The following NEGR1 variants were observed in gnomAD, a reference collection of about 807,000 sequenced individuals.
NEGR1 encodes neuronal growth regulator 1, also known as IgLON family member 4.
In NEGR1, 10 loss-of-function variants were observed where a neutral mutation model predicts 40.9. That is an observed-to-expected ratio of 0.24 (90% CI 0.15 to 0.42). The LOEUF is 0.42. Ranked by LOEUF, NEGR1 falls within the 10% of genes least tolerant of loss-of-function variation. The pLI, the probability that NEGR1 is intolerant of heterozygous loss-of-function variation, is 1.00. For missense variants in NEGR1, 352 were observed against 438.9 expected, an observed-to-expected ratio of 0.80 and a Z score of 1.77; for synonymous variants, 185 against 166.8, an observed-to-expected ratio of 1.11 and a Z score of -0.84.
At chr1:72,209,329 C>A (rs189928851) in intron 1 of NEGR1, among the ~76,000 whole-genome samples, 138 of 151,726 alleles carry the variant, frequency 9.1e-4, no homozygotes, top group Non-Finnish European at 1.2e-3. Context: ...TCTTTCAGAT[C>A]TTTGTCATAT....
intron 1 of NEGR1, among the ~76,000 whole-genome samples, chr1:72,019,444 C>G (rs1023637407): frequency 6.6e-6 from 1 of 152,032 alleles, no homozygotes. Context: ...TATTATAATG[C>G]AGCTGTACCA....
intron 1 of NEGR1, among the ~76,000 whole-genome samples, chr1:71,999,682 T>TATATATATATATATATATAC (rs1317765700): frequency 2.2e-5 from 2 of 91,722 alleles, no homozygotes; most frequent in African/African-American, 4.3e-5. Flanking sequence ...TATATATACA[T>TATATATATATATATATATAC]ACATATTTTT....
intron 6 of NEGR1, among the ~76,000 whole-genome samples, chr1:71,502,272 G>T (rs1164472872): frequency 6.6e-6 from 1 of 152,078 alleles, no homozygotes; most frequent in Non-Finnish European, 1.5e-5. Context: ...AGGGGACCTG[G>T]GTATAACCTT....
intron 6 of NEGR1, among the ~76,000 whole-genome samples, chr1:71,492,320 T>G (rs1646935373): frequency 6.6e-6 from 1 of 152,028 alleles, no homozygotes; most frequent in Admixed American, 6.6e-5. Flanking sequence ...ATAAATTTTC[T>G]TTGTAATGGA....
At chr1:72,168,692 C>G (rs1172563173) in intron 1 of NEGR1, among the ~76,000 whole-genome samples, 1 of 152,068 alleles carries the variant, frequency 6.6e-6, no homozygotes, top group Non-Finnish European at 1.5e-5. Context: ...GTGTTCGAGA[C>G]AAGCCTGGGC....
At chr1:71,472,052 A>C (rs1646786234) in intron 6 of NEGR1, among the ~76,000 whole-genome samples, 1 of 152,176 alleles carries the variant, frequency 6.6e-6, no homozygotes. Context: ...CTCATACTGA[A>C]ATCCCCTTTC....
rs1557582816 is a variant in NEGR1, at chr1:72,216,402, C to CACATATAT, written c.176+65916_176+65917insATATATGT. Among the ~76,000 whole-genome samples, 281 of 119,552 alleles carry CACATATAT rather than the reference C, an allele frequency of 2.4e-3. 1 individual carries two copies. Among genetic ancestry groups the CACATATAT allele is most frequent in the African/African-American group, 8.6e-3 (269 of 31,402 alleles). The allele number at this position is 119,552 out of a possible 152,430, so 78.4% of individuals were successfully genotyped here. On this transcript the variant is annotated intron_variant, in intron 1 of 6. Transcript: ENST00000357731. ...ATATATACATATATATATATATATA[C>CACATATAT]ATATATATATATATGTATATCTATA...
At chr1:71,769,561 A>G (rs1322360092) in intron 3 of NEGR1, among the ~76,000 whole-genome samples, 1 of 152,136 alleles carries the variant, frequency 6.6e-6, no homozygotes, top group East Asian at 1.9e-4. Context: ...TGAGTTGTCA[A>G]GAAATCTGAT....
intron 4 of NEGR1, 102 bp downstream of exon 4, chr1:71,697,906 T>C (rs1653538929): frequency 2.6e-6 from 3 of 1,150,674 alleles, no homozygotes; most frequent in South Asian, 1.5e-5. Context: ...TTTTTACCAA[T>C]AGACAACCTC....
chr1:71,588,338 T>C (rs1465603846), intron 6 of NEGR1, among the ~76,000 whole-genome samples: 1 of 152,134 alleles, frequency 6.6e-6, no homozygotes, highest in Non-Finnish European at 1.5e-5. Context: ...CATACTGTCA[T>C]CCATTATAAA....
intron 1 of NEGR1, among the ~76,000 whole-genome samples, chr1:72,083,308 C>G (rs1170658465): frequency 6.6e-6 from 1 of 151,974 alleles, no homozygotes; most frequent in Non-Finnish European, 1.5e-5. Flanking sequence ...CTCCCATCCT[C>G]CCTCTCTCCT....
chr1:71,597,382 A>G (rs559598795), intron 5 of NEGR1, among the ~76,000 whole-genome samples: 1 of 149,250 alleles, frequency 6.7e-6, no homozygotes, highest in East Asian at 2.0e-4. Context: ...AACACATCCT[A>G]TAATGCCTTT....
At chr1:72,103,261 G>C (rs1649012826) in intron 1 of NEGR1, among the ~76,000 whole-genome samples, 1 of 152,012 alleles carries the variant, frequency 6.6e-6, no homozygotes, top group Non-Finnish European at 1.5e-5. Context: ...GAGGCTATTT[G>C]AGTAAAGACT....
chr1:72,236,378 T>C (rs1654545705), intron 1 of NEGR1, among the ~76,000 whole-genome samples: 1 of 151,876 alleles, frequency 6.6e-6, no homozygotes, highest in South Asian at 2.1e-4. Context: ...CTTGTACACC[T>C]GTGTAACAAA....
chr1:72,225,696 A>G (rs1322976960), intron 1 of NEGR1, among the ~76,000 whole-genome samples: 1 of 151,534 alleles, frequency 6.6e-6, no homozygotes, highest in African/African-American at 2.4e-5. Context: ...CTGATACCTG[A>G]ACTAAATTTT....
chr1:71,791,738 T>G (rs1657127153), intron 2 of NEGR1, among the ~76,000 whole-genome samples: 1 of 151,990 alleles, frequency 6.6e-6, no homozygotes, highest in South Asian at 2.1e-4. Context: ...CTAAGAGTCA[T>G]AAGAAAGATT....
chr1:71,743,007 T>C (rs1435023290), intron 3 of NEGR1, among the ~76,000 whole-genome samples: 1 of 152,158 alleles, frequency 6.6e-6, no homozygotes, highest in Non-Finnish European at 1.5e-5. Context: ...AGGTTATCTC[T>C]CTCTCTCCAC....
At chr1:71,963,134 C>T (rs1193174739) in intron 1 of NEGR1, among the ~76,000 whole-genome samples, 1 of 151,920 alleles carries the variant, frequency 6.6e-6, no homozygotes, top group Non-Finnish European at 1.5e-5. Flanking sequence ...TAATCCTATA[C>T]ATAATATACT....
chr1:71,833,728 T>C (rs572186222), intron 2 of NEGR1, among the ~76,000 whole-genome samples: 3 of 152,220 alleles, frequency 2.0e-5, no homozygotes, highest in Admixed American at 2.0e-4. Context: ...TTGTGTTTTC[T>C]ATAGAGTGAG....
Sources: allele counts gnomAD v4.1 joint callset (sites outside exome capture counted in the v4.1 genomes callset), GRCh38; gene constraint gnomAD v4.1.1; transcripts MANE v1.5; gene names NCBI Gene and HGNC (gene_info 2026-07-23, HGNC 2026-07-21).